LTBP1: variants seen among roughly 807,000 people sequenced by gnomAD.
LTBP1 encodes latent-transforming growth factor beta-binding protein 1.
LTBP1 carries 129 observed loss-of-function variants against 207.6 expected under a neutral mutation model. The ratio of observed to expected loss-of-function variants is 0.62; its 90% confidence interval spans 0.54 to 0.72. The LOEUF (loss-of-function observed/expected upper bound fraction) is 0.72, where lower values mean the gene tolerates loss of function less well. Ranked by LOEUF, LTBP1 falls within the 30% of genes least tolerant of loss-of-function variation. The pLI is 0.00. For missense variants in LTBP1, 2,281 were observed against 2,217.2 expected (o/e 1.03, Z -0.58); for synonymous variants, 963 against 833.7 (o/e 1.16, Z -2.67).
intron 3 of LTBP1, among the ~76,000 whole-genome samples, chr2:33,034,478 A>G (rs1226117405): frequency 6.7e-6 from 1 of 148,710 alleles, no homozygotes; most frequent in Non-Finnish European, 1.5e-5. Flanking sequence ...TAAGCTATTA[A>G]TGTTTGGATT....
At chr2:33,198,116 A>C (rs72858006) in intron 7 of LTBP1, among the ~76,000 whole-genome samples, 8,362 of 152,238 alleles carry the variant, frequency 0.055, 767 homozygotes, top group African/African-American at 0.19. Flanking sequence ...ATATTTTAAA[A>C]ACCATAAGAA....
intron 15 of LTBP1, among the ~76,000 whole-genome samples, chr2:33,267,255 C>G (rs2093206960): frequency 6.6e-6 from 1 of 152,244 alleles, no homozygotes; most frequent in African/African-American, 2.4e-5. Flanking sequence ...CTGCTCCACA[C>G]CTGGCTTGCC....
chr2:33,007,243 A>T (rs219179), intron 2 of LTBP1, among the ~76,000 whole-genome samples: 89,498 of 152,040 alleles, frequency 0.59, 28,160 homozygotes, highest in Non-Finnish European at 0.7. Context: ...GGCTTCTCAA[A>T]GTGCTGGGAT....
intron 18 of LTBP1, among the ~76,000 whole-genome samples, chr2:33,277,795 T>TTCTTTCTTTCTTTCTTTCTTTCTTTC (rs1394277684): frequency 3.7e-5 from 4 of 108,016 alleles, no homozygotes; most frequent in African/African-American, 1.6e-4. Context: ...CTTTCTTTCT[T>TTCTTTCTTTCTTTCTTTCTTTCTTTC]TCTCTCTCTC....
intron 5 of LTBP1, among the ~76,000 whole-genome samples, chr2:33,140,753 C>T (rs1034775326): frequency 5.9e-5 from 9 of 151,266 alleles, no homozygotes; most frequent in East Asian, 1.9e-4. Flanking sequence ...CTGCAACCTC[C>T]GCCTTCCGGG....
At chr2:33,081,246 G>A (rs1316039490) in intron 3 of LTBP1, among the ~76,000 whole-genome samples, 2 of 152,084 alleles carry the variant, frequency 1.3e-5, no homozygotes, top group Admixed American at 1.3e-4. Flanking sequence ...CCGGCTTCAG[G>A]GGAGAAGGGC....
At chr2:33,076,322 G>A (rs404108) in intron 3 of LTBP1, among the ~76,000 whole-genome samples, 99,367 of 151,992 alleles carry the variant, frequency 0.65, 35,242 homozygotes, top group East Asian at 0.98. Flanking sequence ...CATTTTATGT[G>A]AGAGAAAGTG....
chr2:32,975,138 A>G (rs1198896096), intron 2 of LTBP1, among the ~76,000 whole-genome samples: 1 of 152,186 alleles, frequency 6.6e-6, no homozygotes, highest in Non-Finnish European at 1.5e-5. Context: ...CGTATGATGC[A>G]TAGTTTGGCT....
chr2:33,021,098 C>T lies in LTBP1; in HGVS notation c.755C>T (p.Thr252Ile). The T allele has an allele frequency of 6.2e-7, 1 of 1,614,120 alleles. No individual in the cohort carries two copies. The highest frequency in any genetic ancestry group is 8.5e-7 in the Non-Finnish European group (1 of 1,180,014). The change falls in exon 3 of 34, where the codon ACT becomes ATT. Residue 252 changes from threonine (T) to isoleucine (I), a missense_variant. Physicochemically the swap from Thr to Ile is moderately conservative, Grantham distance 89. Coordinates refer to ENST00000404816, the MANE Select transcript of LTBP1 (RefSeq NM_206943.4). ...WGPPEQAAKHTSSKKADTLPR... is the reference protein window; with the variant it reads ...WGPPEQAAKHISSKKADTLPR... ...CCTCCTGAGCAAGCAGCAAAGCATA[C>T]TTCATCTAAGAAGGCAGACACTCTA...
At chr2:33,135,286 C>T (rs984787922) in intron 5 of LTBP1, among the ~76,000 whole-genome samples, 3 of 152,094 alleles carry the variant, frequency 2.0e-5, no homozygotes, top group Non-Finnish European at 2.9e-5. Context: ...TGCTGATAAG[C>T]TTCAAATTTT....
At chr2:33,378,963 G>C (rs184890242) in intron 31 of LTBP1, among the ~76,000 whole-genome samples, 151 of 152,290 alleles carry the variant, frequency 9.9e-4, no homozygotes, top group African/African-American at 3.3e-3. Context: ...GCAGAAGCTA[G>C]AAAGTAATTG....
chr2:33,148,239 G>A (rs1260689017), intron 5 of LTBP1, among the ~76,000 whole-genome samples: 2 of 152,136 alleles, frequency 1.3e-5, no homozygotes, highest in South Asian at 4.1e-4. Flanking sequence ...GCATTTTGAC[G>A]ATATTTGAGG....
At chr2:33,204,764 A>G (rs1433266697) in intron 7 of LTBP1, among the ~76,000 whole-genome samples, 2 of 152,164 alleles carry the variant, frequency 1.3e-5, no homozygotes, top group African/African-American at 2.4e-5. Context: ...GCCTCTTCGT[A>G]AGACAATGCA....
At chr2:33,301,937 C>T (rs2093995452) in intron 22 of LTBP1, among the ~76,000 whole-genome samples, 1 of 152,206 alleles carries the variant, frequency 6.6e-6, no homozygotes, top group Non-Finnish European at 1.5e-5. Flanking sequence ...TAGTTCTGAA[C>T]TGTAACACCT....
chr2:33,149,728 A>G (rs182041928), intron 5 of LTBP1, among the ~76,000 whole-genome samples: 207 of 152,322 alleles, frequency 1.4e-3, no homozygotes, highest in Non-Finnish European at 2.6e-3. Flanking sequence ...CGTTTAGCAC[A>G]GGAGGCATTT....
intron 24 of LTBP1, among the ~76,000 whole-genome samples, chr2:33,327,903 C>G (rs946627288): frequency 6.6e-6 from 1 of 151,848 alleles, no homozygotes; most frequent in African/African-American, 2.4e-5. Flanking sequence ...CTTTGGGAGG[C>G]TGAGGTGGGT....
intron 9 of LTBP1, among the ~76,000 whole-genome samples, chr2:33,241,201 C>T (rs2092311032): frequency 6.6e-6 from 1 of 152,148 alleles, no homozygotes; most frequent in Non-Finnish European, 1.5e-5. Flanking sequence ...TTCCTGGGTT[C>T]TTCGGGCCAA....
rs77278787 is a variant in LTBP1 at position 33,360,442 on chromosome 2, C to A, written c.4001-155C>A. On this transcript the variant is annotated intron_variant, in intron 26 of 33. Transcript: ENST00000404816. The stretch of plus-strand genomic sequence containing the variant: ...TAAGGATTCAAGTGCATTTTTATCT[C>A]AAAGTGGAAGAATCTGACACTGAAA... Among the ~76,000 whole-genome samples the A allele has an allele frequency of 3.2e-3, 481 of 152,282 alleles. 4 individuals carry two copies. The highest frequency in any genetic ancestry group is 0.011 in the African/African-American group (454 of 41,574).
intron 15 of LTBP1, among the ~76,000 whole-genome samples, chr2:33,269,326 T>C (rs917455513): frequency 1.3e-5 from 2 of 152,224 alleles, no homozygotes; most frequent in Non-Finnish European, 2.9e-5. Context: ...CATGGCCCTT[T>C]TTCCATATTC....
Sources: gnomAD v4.1 joint callset for allele counts (sites outside exome capture counted in the v4.1 genomes callset) on GRCh38, gnomAD v4.1.1 for gene constraint, MANE v1.5 for transcripts, NCBI Gene and HGNC (gene_info 2026-07-23, HGNC 2026-07-21) for gene names.